The following QTGAL variants were observed in gnomAD, a reference collection of about 807,000 sequenced individuals.
The protein encoded by QTGAL is queuosine-tRNA galactosyltransferase.
chr17:83,035,007 A>G, the QTGAL span: 1 of 1,531,854 alleles, frequency 6.5e-7, no homozygotes, highest in Admixed American at 1.8e-5. Flanking sequence ...ACACATTTAT[A>G]CATTATAAAC....
the QTGAL span, among the ~76,000 whole-genome samples, chr17:83,004,778 G>T: frequency 6.6e-6 from 1 of 151,994 alleles, no homozygotes; most frequent in Admixed American, 6.5e-5. Flanking sequence ...CCGCGTGTGG[G>T]ATTCCTGAGC....
the QTGAL span, chr17:82,946,811 C>G: frequency 7.9e-7 from 1 of 1,264,538 alleles, no homozygotes; most frequent in Non-Finnish European, 1.1e-6. Flanking sequence ...AGAATAAGAG[C>G]AGAATGAAAA....
the QTGAL span, among the ~76,000 whole-genome samples, chr17:83,002,385 C>T: frequency 6.6e-6 from 1 of 152,298 alleles, no homozygotes; most frequent in African/African-American, 2.4e-5. Flanking sequence ...CCGGTTTGCA[C>T]GAGGTGCACG....
the QTGAL span, chr17:83,051,760 T>C: frequency 6.7e-7 from 1 of 1,494,390 alleles, no homozygotes; most frequent in Non-Finnish European, 8.9e-7. Context: ...ATGGCCTGGC[T>C]CTCCTCGGAC....
the QTGAL span, among the ~76,000 whole-genome samples, chr17:82,971,265 A>G: frequency 6.6e-6 from 1 of 152,200 alleles, no homozygotes; most frequent in Non-Finnish European, 1.5e-5. Flanking sequence ...TTCTTTAGTG[A>G]CAACGATCCA....
the QTGAL span, chr17:82,957,433 C>T: frequency 2.5e-6 from 4 of 1,612,158 alleles, no homozygotes; most frequent in Admixed American, 1.7e-5. Context: ...ATGGTGAAGG[C>T]CGCCCAGCGG....
At chr17:82,984,759 C>T in the QTGAL span, among the ~76,000 whole-genome samples, 80 of 152,240 alleles carry the variant, frequency 5.3e-4, no homozygotes, top group Middle Eastern at 3.4e-3. Flanking sequence ...TGAGCTGGGA[C>T]GGCGGGGAAG....
chr17:83,039,231 C>T, the QTGAL span, among the ~76,000 whole-genome samples: 1 of 150,608 alleles, frequency 6.6e-6, no homozygotes, highest in Non-Finnish European at 1.5e-5. Flanking sequence ...CGCCCCTGTT[C>T]TAGACACACT....
the QTGAL span, among the ~76,000 whole-genome samples, chr17:82,988,628 C>A: frequency 1.3e-5 from 2 of 152,176 alleles, no homozygotes; most frequent in Non-Finnish European, 2.9e-5. Flanking sequence ...GGTCTAATAT[C>A]TGGAATCTAC....
At chr17:82,967,619 A>G in the QTGAL span, among the ~76,000 whole-genome samples, 4 of 152,100 alleles carry the variant, frequency 2.6e-5, no homozygotes, top group East Asian at 7.7e-4. Context: ...GCAATGAAAT[A>G]CCATTGCACC....
At chr17:83,010,363 G>A in the QTGAL span, among the ~76,000 whole-genome samples, 1 of 152,226 alleles carries the variant, frequency 6.6e-6, no homozygotes, top group African/African-American at 2.4e-5. Context: ...CGTCCAGTGT[G>A]ACCCTGTCAC....
the QTGAL span, among the ~76,000 whole-genome samples, chr17:82,951,064 C>T: frequency 6.6e-6 from 1 of 152,226 alleles, no homozygotes; most frequent in African/African-American, 2.4e-5. Flanking sequence ...AGAATATAAA[C>T]TTGCACATGC....
chr17:82,942,363 C>T, the QTGAL span: 1 of 1,591,304 alleles, frequency 6.3e-7, no homozygotes, highest in Middle Eastern at 1.7e-4. Context: ...AGTCCCCACA[C>T]AGGGCCCAGA....
the QTGAL span, among the ~76,000 whole-genome samples, chr17:82,992,494 T>G: frequency 6.6e-6 from 1 of 152,154 alleles, no homozygotes; most frequent in Non-Finnish European, 1.5e-5. Flanking sequence ...GAAGGAGAGA[T>G]AAAGACTTTC....
the QTGAL span, among the ~76,000 whole-genome samples, chr17:83,001,319 A>C: frequency 5.3e-5 from 8 of 152,248 alleles, no homozygotes; most frequent in African/African-American, 1.7e-4. Flanking sequence ...TCCACAACAT[A>C]GTCAAGGAAA....
At chr17:82,956,807 G>A in the QTGAL span, 2 of 1,554,946 alleles carry the variant, frequency 1.3e-6, no homozygotes, top group South Asian at 1.2e-5. This position sits in a 1 kb window ranked among gnomAD's most constrained non-coding sequence, Gnocchi z 5.7. Flanking sequence ...GCCCGAGCCT[G>A]GAGCTTGTCC....
At chr17:83,034,331 T>G in the QTGAL span, among the ~76,000 whole-genome samples, 1 of 152,258 alleles carries the variant, frequency 6.6e-6, no homozygotes, top group South Asian at 2.1e-4. Flanking sequence ...CAGTTTATCT[T>G]CATTTTGCTC....
chr17:82,945,195 G>A, the QTGAL span: 1 of 152,254 alleles, frequency 6.6e-6, no homozygotes, highest in Admixed American at 6.5e-5. Context: ...GGATAGCTTA[G>A]ACACAGCTGA....
the QTGAL span, among the ~76,000 whole-genome samples, chr17:83,025,822 C>T: frequency 8.5e-5 from 13 of 152,224 alleles, no homozygotes; most frequent in Middle Eastern, 3.2e-3. Flanking sequence ...GGCCCGGCAC[C>T]GGGTGCCAGT....
Sources: gnomAD v4.1 joint callset for allele counts (sites outside exome capture counted in the v4.1 genomes callset) on GRCh38, gnomAD v4.1.1 for gene constraint, Gnocchi (gnomAD v3.1) non-coding constraint, MANE v1.5 for transcripts, NCBI Gene and HGNC (gene_info 2026-07-23, HGNC 2026-07-21) for gene names.